Variants in KIAA1958 observed in about 807,000 individuals in gnomAD.
KIAA1958 encodes uncharacterized protein KIAA1958.
Under a neutral mutation model 47.2 loss-of-function variants are expected in KIAA1958, and 14 were observed. The ratio of observed to expected loss-of-function variants is 0.30; its 90% CI spans 0.20 to 0.46. KIAA1958 has a LOEUF of 0.46. Among genes scored for constraint, KIAA1958 ranks in the 20% least tolerant of loss-of-function variants. The pLI is 1.00. For missense variants in KIAA1958, 803 were observed against 909.2 expected (o/e 0.88, Z 1.50); for synonymous variants, 354 against 353.3 (o/e 1.00, Z -0.02).
At chr9:112,545,449 C>T (rs973675889) in intron 1 of KIAA1958, among the ~76,000 whole-genome samples, 3 of 152,192 alleles carry the variant, frequency 2.0e-5, no homozygotes, top group Non-Finnish European at 4.4e-5. Context: ...AAGGAAGAAA[C>T]TGTCAAGTCA....
Position 112,661,375 on chromosome 9 carries a change from G to A in KIAA1958, c.*1306G>A, listed in dbSNP as rs1837273525. On this transcript the variant is annotated 3_prime_UTR_variant, in exon 4 of 4. Coordinates refer to ENST00000337530, the MANE Select transcript of KIAA1958 (RefSeq NM_133465.4). ...AACAAGTGAAAAAGGAGCTCAAAGAGTGCTCATTAAGAGTAACAATAATTT... is the reference window on the plus strand; with the variant it reads ...AACAAGTGAAAAAGGAGCTCAAAGAATGCTCATTAAGAGTAACAATAATTT... The A allele has an allele frequency of 6.6e-6, 1 of 152,166 alleles. No individual in the cohort carries two copies. The highest frequency in any genetic ancestry group is 1.5e-5 in the Non-Finnish European group (1 of 68,034). 9.4% of individuals were successfully genotyped at this position (152,166 alleles called of 1,614,324 possible).
chr9:112,657,550 T>C (rs1837170613), intron 3 of KIAA1958, among the ~76,000 whole-genome samples: 1 of 152,090 alleles, frequency 6.6e-6, no homozygotes, highest in Non-Finnish European at 1.5e-5. Flanking sequence ...TGATATATAA[T>C]GTTTTCGGTT....
At chr9:112,654,710 A>C (rs1837119952) in intron 3 of KIAA1958, among the ~76,000 whole-genome samples, 1 of 152,014 alleles carries the variant, frequency 6.6e-6, no homozygotes, top group Non-Finnish European at 1.5e-5. Flanking sequence ...AAAAAAAAAA[A>C]ATCCAAAGCC....
At chr9:112,545,828 T>G (rs912249760) in intron 1 of KIAA1958, among the ~76,000 whole-genome samples, 2 of 148,424 alleles carry the variant, frequency 1.3e-5, no homozygotes, top group Non-Finnish European at 3.0e-5. Context: ...TTTCTTTGTT[T>G]TTTTTTTTTT....
intron 2 of KIAA1958, among the ~76,000 whole-genome samples, chr9:112,599,452 T>G (rs1262296059): frequency 6.6e-6 from 1 of 152,224 alleles, no homozygotes; most frequent in African/African-American, 2.4e-5. Flanking sequence ...GGACTCATTT[T>G]TAGCTTTGAA....
At chr9:112,527,900 G>A (rs1169639713) in intron 1 of KIAA1958, among the ~76,000 whole-genome samples, 1 of 148,284 alleles carries the variant, frequency 6.7e-6, no homozygotes, top group Non-Finnish European at 1.5e-5. Context: ...TTGTGCCACT[G>A]TACTCCAGCC....
intron 1 of KIAA1958, among the ~76,000 whole-genome samples, chr9:112,573,047 C>T (rs1270090158): frequency 1.4e-4 from 21 of 152,152 alleles, no homozygotes; most frequent in Admixed American, 1.3e-3. Flanking sequence ...GACCAGTGCT[C>T]CCAGGACCCC....
At position 112,567,215 on chromosome 9, in the gene KIAA1958, A is replaced by C. The variant is rs1371758490; in HGVS notation, c.-24-6842A>C. 2.0e-5 allele frequency among the ~76,000 whole-genome samples: 3 copies of C among 152,212 alleles called. No homozygotes were observed. The East Asian group carries it at 5.8e-4, about 29-fold the overall frequency. On this transcript the variant is annotated intron_variant, in intron 1 of 3. Transcript: ENST00000337530. ...TAACAACTCCCCAGCTCCCTAAGAC[A>C]GGGTGAAACAAAACAAAACAAACAA...
intron 2 of KIAA1958, among the ~76,000 whole-genome samples, chr9:112,644,238 A>T (rs1460793386): frequency 6.6e-6 from 1 of 152,134 alleles, no homozygotes; most frequent in Admixed American, 6.5e-5. Flanking sequence ...CAGGCAGTGC[A>T]TGGGGAAGGT....
intron 3 of KIAA1958, among the ~76,000 whole-genome samples, chr9:112,654,891 G>T (rs4979141): frequency 2.0e-5 from 3 of 151,860 alleles, no homozygotes; most frequent in Non-Finnish European, 4.4e-5. Context: ...GAAAGCAATT[G>T]TATTTTGTCT....
intron 2 of KIAA1958, among the ~76,000 whole-genome samples, chr9:112,613,096 T>G (rs184417723): frequency 1.8e-4 from 28 of 152,258 alleles, no homozygotes; most frequent in African/African-American, 6.3e-4. Context: ...TATAATCAAC[T>G]GGTAACATTG....
intron 1 of KIAA1958, among the ~76,000 whole-genome samples, chr9:112,547,382 A>T: frequency 6.8e-6 from 1 of 146,602 alleles, no homozygotes; most frequent in Admixed American, 6.8e-5. Flanking sequence ...TGTCTCAAAA[A>T]AAAAAAAAAA....
intron 1 of KIAA1958, among the ~76,000 whole-genome samples, chr9:112,565,523 A>G (rs1230814437): frequency 1.3e-5 from 2 of 152,252 alleles, no homozygotes; most frequent in African/African-American, 2.4e-5. Flanking sequence ...TTGAAAATGT[A>G]GAAGCAGCAT....
At chr9:112,645,352 C>T (rs1309435270) in intron 2 of KIAA1958, among the ~76,000 whole-genome samples, 1 of 152,058 alleles carries the variant, frequency 6.6e-6, no homozygotes, top group Non-Finnish European at 1.5e-5. Flanking sequence ...CTTTGATTTT[C>T]AGCATTTATT....
At chr9:112,587,961 G>A (rs1835854718) in intron 2 of KIAA1958, among the ~76,000 whole-genome samples, 1 of 151,982 alleles carries the variant, frequency 6.6e-6, no homozygotes, top group African/African-American at 2.4e-5. Flanking sequence ...TTTGATTGTT[G>A]GGTTATTAAA....
chr9:112,568,199 G>A (rs1835461953), intron 1 of KIAA1958, among the ~76,000 whole-genome samples: 1 of 152,094 alleles, frequency 6.6e-6, no homozygotes. Flanking sequence ...ATGAGCAGAT[G>A]AACCATATTC....
At chr9:112,650,095 G>T (rs1451374194) in intron 3 of KIAA1958, among the ~76,000 whole-genome samples, 1 of 151,882 alleles carries the variant, frequency 6.6e-6, no homozygotes, top group Non-Finnish European at 1.5e-5. Flanking sequence ...TGCAAACCAG[G>T]AGACAATAGA....
At chr9:112,645,079 G>A (rs1836953373) in intron 2 of KIAA1958, among the ~76,000 whole-genome samples, 1 of 150,924 alleles carries the variant, frequency 6.6e-6, no homozygotes, top group African/African-American at 2.4e-5. Flanking sequence ...AGGTTGCAGT[G>A]AGCCAATATC....
At chr9:112,513,240 G>T (rs1445248297) in intron 1 of KIAA1958, among the ~76,000 whole-genome samples, 1 of 127,062 alleles carries the variant, frequency 7.9e-6, no homozygotes, top group Non-Finnish European at 1.6e-5. Flanking sequence ...CCTGACCTCA[G>T]GTGATCCACC....
Sources: allele counts gnomAD v4.1 joint callset (sites outside exome capture counted in the v4.1 genomes callset), GRCh38; gene constraint gnomAD v4.1.1; transcripts MANE v1.5; gene names NCBI Gene and HGNC (gene_info 2026-07-23, HGNC 2026-07-21).